The following ADD1 variants were observed in gnomAD, a reference collection of about 807,000 sequenced individuals.
The protein encoded by ADD1 is adducin 1, also known as alpha-adducin.
A neutral mutation model predicts 80.5 loss-of-function variants in ADD1; 24 were observed. The ratio of observed to expected loss-of-function variants is 0.30; its 90% confidence interval spans 0.22 to 0.42. The LOEUF is 0.42. Among genes scored for constraint, ADD1 ranks in the 10% least tolerant of loss-of-function variants. The pLI, the probability that ADD1 is intolerant of heterozygous loss-of-function variation, is 1.00. For missense variants in ADD1, 948 were observed against 1,019.0 expected (o/e 0.93, Z 0.95); for synonymous variants, 373 against 393.8 (o/e 0.95, Z 0.63).
intron 4 of ADD1, among the ~76,000 whole-genome samples, chr4:2,886,401 C>T (rs1458027147): frequency 6.6e-6 from 1 of 152,224 alleles, no homozygotes; most frequent in Non-Finnish European, 1.5e-5. Flanking sequence ...GCCTTCTATC[C>T]ATCTGTTCTT....
chr4:2,845,577 G>A (rs78188509), intron 1 of ADD1, among the ~76,000 whole-genome samples: 1 of 152,132 alleles, frequency 6.6e-6, no homozygotes, highest in Non-Finnish European at 1.5e-5. Flanking sequence ...GAGAGTCGCT[G>A]AGTGATGTGA....
At chr4:2,921,214 G>A (rs1577730492) in intron 14 of ADD1, among the ~76,000 whole-genome samples, 3 of 151,938 alleles carry the variant, frequency 2.0e-5, no homozygotes, top group African/African-American at 4.8e-5. Context: ...TGCAAGCTCC[G>A]CCTCCAGGGT....
intron 1 of ADD1, among the ~76,000 whole-genome samples, chr4:2,852,740 C>G (rs1259732762): frequency 6.7e-6 from 1 of 149,114 alleles, no homozygotes; most frequent in Non-Finnish European, 1.5e-5. Flanking sequence ...GCTCTGTCAC[C>G]CAGGCTGAAG....
At chr4:2,880,512 A>G (rs4690004) in intron 2 of ADD1, among the ~76,000 whole-genome samples, 70,209 of 130,004 alleles carry the variant, frequency 0.54, 18,429 homozygotes, top group African/African-American at 0.62. Context: ...GTCTCGCTCT[A>G]TCTCCCAAGC....
Position 2,926,749 on chromosome 4 carries a change from A to C in ADD1, c.2047+637A>C. ...TCATTCTCCTGCTTCTTTGTTGTTT[A>C]TTAAGTTTTGTTTTCTGTTTATTTA... On this transcript the variant is annotated intron_variant, in intron 15 of 15. Coordinates refer to ENST00000683351, the MANE Select transcript of ADD1 (RefSeq NM_001354761.2). This position sits in a 1 kb window ranked among gnomAD's most constrained non-coding sequence, Gnocchi z 5.0. 6.7e-7 allele frequency: 1 copy of C among 1,501,912 alleles called. No individual in the cohort carries two copies. The highest frequency in any genetic ancestry group is 1.4e-5 in the African/African-American group (1 of 71,512). 93.0% of individuals were successfully genotyped at this position (1,501,912 alleles called of 1,614,324 possible).
intron 1 of ADD1, among the ~76,000 whole-genome samples, chr4:2,864,372 G>A (rs1399435721): frequency 1.3e-5 from 2 of 152,248 alleles, no homozygotes; most frequent in African/African-American, 2.4e-5. Context: ...AAGATCGTGC[G>A]TGCCATTGCT....
chr4:2,898,464 C>T lies in ADD1; in HGVS notation c.917C>T (p.Ser306Leu). 6.2e-7 allele frequency: 1 copy of T among 1,614,180 alleles called. No homozygotes were observed. The highest frequency in any genetic ancestry group is 8.5e-7 in the Non-Finnish European group (1 of 1,180,038). The change falls in exon 8 of 16, where the codon TCA becomes TTA. Residue 306 changes from serine to leucine, a missense_variant. By Grantham distance (145) the Ser-to-Leu change is moderately radical (BLOSUM62 -2). Coordinates refer to ENST00000683351, the MANE Select transcript of ADD1 (RefSeq NM_001354761.2). The part of the protein sequence containing the change: ...VLILRNHGLV[S>L]VGESVEEAFY... The stretch of plus-strand genomic sequence containing the variant: ...ATTCTCCGGAACCATGGGCTCGTGT[C>T]AGTTGGAGAGAGCGTTGAGGAGGCC...
intron 14 of ADD1, among the ~76,000 whole-genome samples, chr4:2,924,223 C>T (rs1049286122): frequency 7.9e-5 from 12 of 152,194 alleles, no homozygotes; most frequent in South Asian, 2.1e-4. Flanking sequence ...GAGACCCTCA[C>T]GGAGCAGGTG....
intron 1 of ADD1, among the ~76,000 whole-genome samples, chr4:2,858,485 C>T (rs188209420): frequency 1.3e-5 from 2 of 152,156 alleles, no homozygotes; most frequent in East Asian, 1.9e-4. Flanking sequence ...AGACTATAAA[C>T]CATAGATAGG....
chr4:2,854,461 C>T (rs1265981524), intron 1 of ADD1, among the ~76,000 whole-genome samples: 1 of 152,158 alleles, frequency 6.6e-6, no homozygotes, highest in Non-Finnish European at 1.5e-5. Context: ...CTGTTACTGA[C>T]TTGAGCAATG....
At chr4:2,904,741 C>G in intron 9 of ADD1, 23 bp from the exon 10 acceptor site, 3 of 1,591,704 alleles carry the variant, frequency 1.9e-6, no homozygotes, top group Non-Finnish European at 2.6e-6. Flanking sequence ...TATTGACTGT[C>G]TTTCACTCTC....
chr4:2,913,007 G>T lies in ADD1; in HGVS notation c.1792-1877G>T, dbSNP rs187473040. 1.9e-3 allele frequency among the ~76,000 whole-genome samples: 285 copies of T among 152,092 alleles called. 1 individual carries two copies. Among genetic ancestry groups the T allele is most frequent in the Middle Eastern group, 3.4e-3 (1 of 294 alleles). On this transcript the variant is annotated intron_variant, in intron 13 of 15. Transcript: ENST00000683351. ...TTACAGATGCCCACTACCACGCCTGGTTAATTTTTTTTGTATTTTTAGTAG... is the reference window on the plus strand; with the variant it reads ...TTACAGATGCCCACTACCACGCCTGTTTAATTTTTTTTGTATTTTTAGTAG...
intron 1 of ADD1, among the ~76,000 whole-genome samples, chr4:2,857,873 C>T (rs893775772): frequency 6.6e-6 from 1 of 152,148 alleles, no homozygotes; most frequent in African/African-American, 2.4e-5. Context: ...ATTTTAGCAT[C>T]TGTAAAATGA....
intron 3 of ADD1, among the ~76,000 whole-genome samples, chr4:2,883,888 G>A (rs890827837): frequency 6.6e-6 from 1 of 152,042 alleles, no homozygotes; most frequent in African/African-American, 2.4e-5. Context: ...AGCCAGGATG[G>A]TCTCGATCTC....
At chr4:2,881,704 C>G in intron 2 of ADD1, 194 bp from the exon 3 acceptor site, 1 of 431,376 alleles carries the variant, frequency 2.3e-6, no homozygotes, top group Non-Finnish European at 4.1e-6. Flanking sequence ...GAGTTTTAAG[C>G]TTTTATTGTA....
At chr4:2,904,607 A>G (rs932980066) in intron 9 of ADD1, 157 bp from the exon 10 acceptor site, 4 of 681,468 alleles carry the variant, frequency 5.9e-6, no homozygotes, top group Non-Finnish European at 9.9e-6. Context: ...TGGTGAACAC[A>G]TTTGCTTCTG....
At chr4:2,860,092 T>C (rs1413949442) in intron 1 of ADD1, among the ~76,000 whole-genome samples, 1 of 152,168 alleles carries the variant, frequency 6.6e-6, no homozygotes, top group Admixed American at 6.5e-5. Flanking sequence ...TAGCTGAGTC[T>C]TCCTGCAGTC....
chr4:2,896,236 T>A (rs1735201793), intron 6 of ADD1, among the ~76,000 whole-genome samples: 1 of 149,842 alleles, frequency 6.7e-6, no homozygotes, highest in South Asian at 2.1e-4. Context: ...GGAGATGGAG[T>A]CTTGCTGTGT....
intron 4 of ADD1, 80 bp from the exon 5 acceptor site, chr4:2,893,933 A>G (rs1734728020): frequency 7.4e-7 from 1 of 1,352,528 alleles, no homozygotes; most frequent in African/African-American, 1.4e-5. Context: ...GTTCTGAACA[A>G]ACCCGTGAAT....
Sources: gnomAD v4.1 joint callset for allele counts (sites outside exome capture counted in the v4.1 genomes callset) on GRCh38, gnomAD v4.1.1 for gene constraint, Gnocchi (gnomAD v3.1) non-coding constraint, MANE v1.5 for transcripts, NCBI Gene and HGNC (gene_info 2026-07-23, HGNC 2026-07-21) for gene names.